The following TRABD2B variants were observed in gnomAD, a reference collection of about 807,000 sequenced individuals.
TRABD2B encodes the protein metalloprotease TIKI2.
Under a neutral mutation model 40.1 loss-of-function variants are expected in TRABD2B, and 14 were observed. The ratio of observed to expected loss-of-function variants is 0.35; its 90% confidence interval spans 0.23 to 0.55. The LOEUF is 0.55. Ranked by LOEUF, TRABD2B falls within the 20% of genes least tolerant of loss-of-function variation. The probability of loss-of-function intolerance (pLI) is 0.90; values close to 1 mark genes in which losing one functional copy is unlikely to be tolerated. For missense variants in TRABD2B, 541 were observed against 648.6 expected (o/e 0.83, Z 1.80); for synonymous variants, 263 against 277.0 (o/e 0.95, Z 0.50).
intron 2 of TRABD2B, among the ~76,000 whole-genome samples, chr1:47,955,946 G>GTATCTC (rs1645414759): frequency 6.6e-6 from 1 of 152,188 alleles, no homozygotes; most frequent in Admixed American, 6.5e-5. Context: ...CAGTCTCCTT[G>GTATCTC]CTTGGCACAT....
intron 2 of TRABD2B, among the ~76,000 whole-genome samples, chr1:47,981,527 G>A (rs1340017048): frequency 6.6e-6 from 1 of 152,032 alleles, no homozygotes; most frequent in Admixed American, 6.6e-5. Flanking sequence ...GCACATAAAG[G>A]GCTCAGAATC....
chr1:47,997,087 T>C lies in TRABD2B; in HGVS notation c.-298A>G, dbSNP rs977113058. ...TGTTGGGGTCCGGGGGCGCGCGGGG[T>C]CCCGGAGCTGCGTCGCGGTCCAGGG... On this transcript the variant is annotated 5_prime_UTR_variant, in exon 1 of 7. Transcript: ENST00000606738. 200 of 979,014 alleles carry C rather than the reference T, an allele frequency of 2.0e-4. No homozygotes were observed. The highest frequency in any genetic ancestry group is 2.4e-4 in the Non-Finnish European group (196 of 827,516). The allele number at this position is 979,014 out of a possible 1,614,324, so 60.6% of individuals were successfully genotyped here. A position where few individuals can be genotyped will look rare whatever the true frequency, so the allele number is the denominator to read the frequency against.
intron 2 of TRABD2B, among the ~76,000 whole-genome samples, chr1:47,831,917 C>T (rs545016482): frequency 5.9e-5 from 9 of 152,154 alleles, no homozygotes; most frequent in Admixed American, 2.6e-4. Context: ...TGAACACCTA[C>T]TGTGTGCTCC....
At chr1:47,831,223 G>A (rs1011943477) in intron 2 of TRABD2B, among the ~76,000 whole-genome samples, 7 of 152,134 alleles carry the variant, frequency 4.6e-5, no homozygotes, top group Admixed American at 2.0e-4. Flanking sequence ...TTTACAGCAC[G>A]TAAGAAAGCC....
intron 2 of TRABD2B, among the ~76,000 whole-genome samples, chr1:47,845,072 C>T (rs1399352219): frequency 1.3e-5 from 2 of 152,134 alleles, no homozygotes; most frequent in African/African-American, 2.4e-5. Context: ...ATCACTGTCC[C>T]CCGTCCATCA....
intron 2 of TRABD2B, among the ~76,000 whole-genome samples, chr1:47,937,392 A>C (rs890223879): frequency 2.0e-5 from 3 of 152,086 alleles, no homozygotes; most frequent in South Asian, 4.2e-4. Context: ...CACCATCATA[A>C]TCATCACCAT....
At chr1:47,979,302 G>A (rs1645806836) in intron 2 of TRABD2B, among the ~76,000 whole-genome samples, 1 of 152,200 alleles carries the variant, frequency 6.6e-6, no homozygotes, top group Non-Finnish European at 1.5e-5. Context: ...AAAGCCAGGT[G>A]TCAGGGAAAC....
intron 2 of TRABD2B, among the ~76,000 whole-genome samples, chr1:47,872,360 C>A (rs1179131771): frequency 6.6e-6 from 1 of 152,154 alleles, no homozygotes; most frequent in Non-Finnish European, 1.5e-5. Flanking sequence ...ATAGACCTCA[C>A]TGGCTGCCAC....
chr1:47,868,446 T>C (rs1474384124), intron 2 of TRABD2B, among the ~76,000 whole-genome samples: 1 of 152,108 alleles, frequency 6.6e-6, no homozygotes, highest in Non-Finnish European at 1.5e-5. Context: ...CTGGTACATG[T>C]CCATGGCCTG....
rs1644824410 is a variant in TRABD2B, at chr1:47,801,588, T to A, written c.698A>T (p.Gln233Leu). The A allele has an allele frequency of 2.0e-6, 3 of 1,535,930 alleles. No homozygotes were observed. The highest frequency in any genetic ancestry group is 1.7e-6 in the Non-Finnish European group (2 of 1,146,788). The stretch of plus-strand genomic sequence containing the variant: ...GCTCCCGGCCCGCACACTCTCCTGC[T>A]GCAGCAGGGTTTGGTTCAGGGCAAA... ...VLFALNQTLLQQESVRAGSLQ... is the reference protein window; with the variant it reads ...VLFALNQTLLLQESVRAGSLQ... Residue 233 changes from glutamine (Q) to leucine (L), a missense_variant, in exon 3 of 7, where the codon CAG becomes CTG. Physicochemically the swap from Gln to Leu is moderately radical, Grantham distance 113. Transcript: ENST00000606738.
chr1:47,761,301 G>T lies in TRABD2B; in HGVS notation c.*4601C>A, dbSNP rs541025803. On this transcript the variant is annotated 3_prime_UTR_variant, in exon 7 of 7. Coordinates refer to ENST00000606738, the MANE Select transcript of TRABD2B (RefSeq NM_001194986.2). ...GCTCCCTGGAAAGAGCCAAGTAGGG[G>T]GTCAATCAGTTCTCGTGAACCCTTT... is the stretch of plus-strand genomic sequence containing the variant. The T allele has an allele frequency of 1.3e-5, 2 of 152,336 alleles. No individual in the cohort carries two copies. The highest frequency in any genetic ancestry group is 2.4e-5 in the African/African-American group (1 of 41,474). 9.4% of individuals were successfully genotyped at this position (152,336 alleles called of 1,614,324 possible).
At chr1:47,878,827 T>C (rs566044699) in intron 2 of TRABD2B, among the ~76,000 whole-genome samples, 51 of 152,288 alleles carry the variant, frequency 3.3e-4, no homozygotes, top group African/African-American at 1.2e-3. Context: ...CCAGGCACAA[T>C]GGCTCCTGCC....
intron 2 of TRABD2B, among the ~76,000 whole-genome samples, chr1:47,830,559 C>T (rs1330466983): frequency 6.6e-6 from 1 of 152,242 alleles, no homozygotes; most frequent in East Asian, 1.9e-4. Flanking sequence ...CTGCTTTGCA[C>T]ATCTTTGAGG....
chr1:47,943,890 C>T (rs1285006331), intron 2 of TRABD2B, among the ~76,000 whole-genome samples: 1 of 152,188 alleles, frequency 6.6e-6, no homozygotes, highest in Non-Finnish European at 1.5e-5. Flanking sequence ...ATTTACCACA[C>T]ACCTACTGCC....
chr1:47,857,342 G>T (rs1332006843), intron 2 of TRABD2B, among the ~76,000 whole-genome samples: 1 of 152,128 alleles, frequency 6.6e-6, no homozygotes, highest in Non-Finnish European at 1.5e-5. Context: ...CTGCAGACTT[G>T]GCAGGTGCTC....
At chr1:47,844,392 C>T (rs575405748) in intron 2 of TRABD2B, among the ~76,000 whole-genome samples, 1 of 152,320 alleles carries the variant, frequency 6.6e-6, no homozygotes, top group South Asian at 2.1e-4. Flanking sequence ...GGCAGCCCAG[C>T]TTGGAGGCGG....
At chr1:47,814,792 A>T (rs1168188574) in intron 2 of TRABD2B, among the ~76,000 whole-genome samples, 2 of 152,200 alleles carry the variant, frequency 1.3e-5, no homozygotes, top group Non-Finnish European at 2.9e-5. Flanking sequence ...CCCAGGGTGC[A>T]TCAAAGGAGA....
At chr1:47,814,063 G>A (rs1644999088) in intron 2 of TRABD2B, among the ~76,000 whole-genome samples, 1 of 152,244 alleles carries the variant, frequency 6.6e-6, no homozygotes, top group African/African-American at 2.4e-5. Flanking sequence ...AGGTGGCTCT[G>A]GCTCTGCAGC....
Position 47,848,171 on chromosome 1 carries a change from G to A in TRABD2B, c.667-46552C>T, listed in dbSNP as rs138132926. 6.9e-4 allele frequency among the ~76,000 whole-genome samples: 105 copies of A among 152,320 alleles called. 1 individual carries two copies. Among genetic ancestry groups the A allele is most frequent in the African/African-American group, 2.4e-3 (98 of 41,570 alleles). On this transcript the variant is annotated intron_variant, in intron 2 of 6. Transcript: ENST00000606738. ...AGCAAGATCTTTCTTTTCTCTATGAGGGCCAAACCCAAAATGTTAAGTAAT... is the reference window on the plus strand; with the variant it reads ...AGCAAGATCTTTCTTTTCTCTATGAAGGCCAAACCCAAAATGTTAAGTAAT...
Sources: allele counts gnomAD v4.1 joint callset (sites outside exome capture counted in the v4.1 genomes callset), GRCh38; gene constraint gnomAD v4.1.1; transcripts MANE v1.5; gene names NCBI Gene and HGNC (gene_info 2026-07-23, HGNC 2026-07-21).